The following IDO2 variants were observed in gnomAD, a reference collection of about 807,000 sequenced individuals.
The protein encoded by IDO2 is indoleamine 2,3-dioxygenase-like 1 protein.
A neutral mutation model predicts 45.1 loss-of-function variants in IDO2; 46 were observed. That is an observed-to-expected ratio of 1.02 (90% CI 0.80 to 1.30). The LOEUF (loss-of-function observed/expected upper bound fraction) is 1.30, where lower values mean the gene tolerates loss of function less well. Among genes scored for constraint, IDO2 ranks in the 50% most tolerant of loss-of-function variants. The probability of loss-of-function intolerance (pLI) is 0.00; values close to 1 mark genes in which losing one functional copy is unlikely to be tolerated. For missense variants in IDO2, 544 were observed against 491.8 expected (o/e 1.11, Z -1.00); for synonymous variants, 218 against 184.9 (o/e 1.18, Z -1.45).
chr8:39,954,045 A>G (rs543803900), intron 2 of IDO2, among the ~76,000 whole-genome samples: 5 of 152,106 alleles, frequency 3.3e-5, no homozygotes, highest in Non-Finnish European at 7.3e-5. Context: ...TATTCTTTCA[A>G]AATTTTTCCG....
chr8:39,938,235 G>C (rs1324195017), intron 1 of IDO2, among the ~76,000 whole-genome samples: 1 of 152,120 alleles, frequency 6.6e-6, no homozygotes, highest in Non-Finnish European at 1.5e-5. Context: ...TTAAGCCCAA[G>C]AGTTTGAAAT....
intron 8 of IDO2, among the ~76,000 whole-genome samples, chr8:39,990,824 C>A (rs761681730): frequency 6.6e-6 from 1 of 152,186 alleles, no homozygotes; most frequent in African/African-American, 2.4e-5. Flanking sequence ...CGGGGCCCAA[C>A]CTTCCTGGAC....
chr8:40,006,665 T>TATTTTATTTC (rs1802227081), intron 9 of IDO2, among the ~76,000 whole-genome samples: 1 of 151,900 alleles, frequency 6.6e-6, no homozygotes, highest in Admixed American at 6.6e-5. Flanking sequence ...TATTTTATTT[T>TATTTTATTTC]ATTTTATTTT....
At chr8:40,001,906 C>T (rs1057014759) in intron 8 of IDO2, among the ~76,000 whole-genome samples, 2 of 152,116 alleles carry the variant, frequency 1.3e-5, no homozygotes, top group African/African-American at 4.8e-5. Flanking sequence ...CTGCCTCAGC[C>T]TCCCAAGTAG....
At chr8:40,014,000 C>G (rs2955898) in intron 10 of IDO2, among the ~76,000 whole-genome samples, 149,172 of 152,228 alleles carry the variant, frequency 0.98, 73,159 homozygotes, top group East Asian at 1. Flanking sequence ...CACTAGCTTC[C>G]TTTTTCTGAA....
At position 39,935,159 on chromosome 8, in the gene IDO2, A is replaced by G. The variant is rs774614277; in HGVS notation, c.-77A>G. 2 of 1,606,760 alleles carry G rather than the reference A, an allele frequency of 1.2e-6. No homozygotes were observed. Among genetic ancestry groups the G allele is most frequent in the South Asian group, 2.2e-5 (2 of 90,940 alleles). ...AACAGAATGAAAACCTTCTTAGGAA[A>G]TGAAGCTTGACACTTCACCCACCAG... is the stretch of plus-strand genomic sequence containing the variant. On this transcript the variant is annotated 5_prime_UTR_variant, in exon 1 of 11. The change abolishes an upstream ATG in the 5' untranslated region. Transcript: ENST00000502986.
intron 8 of IDO2, among the ~76,000 whole-genome samples, chr8:39,990,521 TA>T (rs2129594797): frequency 6.6e-6 from 1 of 152,312 alleles, no homozygotes; most frequent in Non-Finnish European, 1.5e-5. Context: ...CAACCTTACA[TA>T]CACAAAAAAA....
chr8:39,989,287 C>G (rs1563436353), intron 7 of IDO2, among the ~76,000 whole-genome samples: 1 of 152,174 alleles, frequency 6.6e-6, no homozygotes, highest in African/African-American at 2.4e-5. Context: ...CACCAGGTCC[C>G]TCCATCAGCC....
intron 10 of IDO2, among the ~76,000 whole-genome samples, chr8:40,014,819 A>G (rs2955900): frequency 0.98 from 149,320 of 152,272 alleles, 73,281 homozygotes; most frequent in East Asian, 1. Flanking sequence ...TTTGAGTTAG[A>G]ACACCAGCAA....
intron 3 of IDO2, among the ~76,000 whole-genome samples, chr8:39,969,702 C>CT (rs1312903763): frequency 6.6e-6 from 1 of 152,176 alleles, no homozygotes; most frequent in Admixed American, 6.5e-5. Flanking sequence ...TGGCGAAACT[C>CT]TGTCTTGACT....
chr8:39,978,143 C>T (rs1037303227), intron 3 of IDO2, among the ~76,000 whole-genome samples: 11 of 152,192 alleles, frequency 7.2e-5, no homozygotes, highest in African/African-American at 1.4e-4. Flanking sequence ...GGTGAAGGAC[C>T]AGCCTGAGGA....
chr8:39,975,475 C>G (rs907663663), intron 3 of IDO2, among the ~76,000 whole-genome samples: 1 of 152,062 alleles, frequency 6.6e-6, no homozygotes, highest in Admixed American at 6.6e-5. Flanking sequence ...AAACAATGTT[C>G]AACAGACATT....
At chr8:39,978,713 C>A (rs1219919387) in intron 3 of IDO2, among the ~76,000 whole-genome samples, 1 of 152,176 alleles carries the variant, frequency 6.6e-6, no homozygotes, top group East Asian at 1.9e-4. Flanking sequence ...CCATGCAAGA[C>A]TCCTAGGAAA....
chr8:39,942,595 A>C (rs777650127), intron 1 of IDO2, among the ~76,000 whole-genome samples: 12 of 151,592 alleles, frequency 7.9e-5, no homozygotes, highest in Non-Finnish European at 1.2e-4. Context: ...AGGCAAGATC[A>C]AGCCACGGCA....
chr8:39,989,522 C>G (rs1808470415), intron 7 of IDO2, among the ~76,000 whole-genome samples, 199 bp from the exon 8 acceptor site: 1 of 152,130 alleles, frequency 6.6e-6, no homozygotes, highest in Non-Finnish European at 1.5e-5. Context: ...GAAACACTTA[C>G]CTAGGGGTCT....
chr8:39,970,350 C>T (rs1009763911), intron 3 of IDO2, among the ~76,000 whole-genome samples: 4 of 152,212 alleles, frequency 2.6e-5, no homozygotes, highest in African/African-American at 7.2e-5. Flanking sequence ...CAGCTAAAAT[C>T]ATCAATGAAG....
intron 1 of IDO2, among the ~76,000 whole-genome samples, chr8:39,947,856 C>T (rs1330880757): frequency 4.6e-5 from 7 of 150,862 alleles, no homozygotes; most frequent in South Asian, 2.1e-4. Flanking sequence ...GGCGCGATCT[C>T]GGCTCACTGC....
chr8:39,950,212 G>A (rs960932300), intron 2 of IDO2, among the ~76,000 whole-genome samples: 5 of 151,998 alleles, frequency 3.3e-5, no homozygotes, highest in Non-Finnish European at 7.4e-5. Context: ...TCCTAAATGA[G>A]GGCCAAGGCC....
rs1372254632 is a variant in IDO2 at position 39,995,141 on chromosome 8, A to ATTC, written c.667+5317_667+5319dup. On this transcript the variant is annotated intron_variant, in intron 8 of 10. Transcript: ENST00000502986. Reference sequence around the variant, plus strand: ...ATCAGCCTATAAAATTATTCTTATTATTCTTCTTCTTCTTCTCCTCCTCCT... The same window carrying ATTC: ...ATCAGCCTATAAAATTATTCTTATTATTCTTCTTCTTCTTCTTCTCCTCCTCCT... The ATTC allele has an allele frequency of 6.7e-5, 10 of 148,214 alleles. 1 individual carries two copies. In the South Asian group the frequency reaches 1.9e-3, roughly 29 times the overall value. 9.2% of individuals were successfully genotyped at this position (148,214 alleles called of 1,614,324 possible).
Sources: gnomAD v4.1 joint callset for allele counts (sites outside exome capture counted in the v4.1 genomes callset) on GRCh38, gnomAD v4.1.1 for gene constraint, MANE v1.5 for transcripts, NCBI Gene and HGNC (gene_info 2026-07-23, HGNC 2026-07-21) for gene names.